Variants in PEX14 observed in about 807,000 individuals in gnomAD.
PEX14 encodes the protein peroxisomal biogenesis factor 14, also known as peroxisomal membrane protein PEX14.
Under a neutral mutation model 49.5 loss-of-function variants are expected in PEX14, and 15 were observed. The observed-to-expected ratio is 0.30, with a 90% CI of 0.20 to 0.47. The LOEUF is 0.47. PEX14 is among the 20% of genes least tolerant of loss of function. The pLI is 1.00. For synonymous variants in PEX14, 210 were observed against 212.7 expected (o/e 0.99, Z 0.11); for missense variants, 398 against 494.8 (o/e 0.80, Z 1.86).
intron 3 of PEX14, among the ~76,000 whole-genome samples, chr1:10,537,438 C>T (rs1031435963): frequency 1.4e-5 from 2 of 144,258 alleles, no homozygotes; most frequent in Non-Finnish European, 3.0e-5. Context: ...AGAGTTTTTC[C>T]TTGAAATATG....
At chr1:10,501,523 A>C (rs1376246657) in intron 2 of PEX14, among the ~76,000 whole-genome samples, 1 of 151,976 alleles carries the variant, frequency 6.6e-6, no homozygotes, top group African/African-American at 2.4e-5. Context: ...GGATGGTCTC[A>C]ATCTCCTGAC....
intron 3 of PEX14, among the ~76,000 whole-genome samples, chr1:10,549,056 A>G (rs761785526): frequency 3.3e-5 from 5 of 151,940 alleles, no homozygotes; most frequent in Non-Finnish European, 7.4e-5. Flanking sequence ...TTTTGTGTGG[A>G]TTTTCAGATT....
At chr1:10,584,178 G>A (rs1025910985) in intron 3 of PEX14, among the ~76,000 whole-genome samples, 8 of 152,158 alleles carry the variant, frequency 5.3e-5, no homozygotes, top group African/African-American at 1.9e-4. Flanking sequence ...TGAAAGAGAA[G>A]TAGAAATTAA....
At chr1:10,497,430 C>T (rs887249659) in intron 2 of PEX14, among the ~76,000 whole-genome samples, 1 of 152,250 alleles carries the variant, frequency 6.6e-6, no homozygotes, top group South Asian at 2.1e-4. Flanking sequence ...TTGCTGTCTC[C>T]TGCATGCTCA....
At chr1:10,588,372 G>A (rs373206284) in intron 3 of PEX14, among the ~76,000 whole-genome samples, 4 of 152,108 alleles carry the variant, frequency 2.6e-5, no homozygotes, top group African/African-American at 9.7e-5. Flanking sequence ...AGAAGCTTTA[G>A]CAATAGTTGC....
At chr1:10,537,325 G>A (rs918071879) in intron 3 of PEX14, among the ~76,000 whole-genome samples, 1 of 118,950 alleles carries the variant, frequency 8.4e-6, no homozygotes, top group Non-Finnish European at 1.6e-5. Flanking sequence ...CTGCTCACTG[G>A]CTGCATTGTG....
At chr1:10,525,230 T>C (rs754801391) in intron 2 of PEX14, among the ~76,000 whole-genome samples, 5 of 152,184 alleles carry the variant, frequency 3.3e-5, no homozygotes, top group Non-Finnish European at 7.3e-5. Flanking sequence ...AACTTGTACC[T>C]TGATACTAAA....
intron 3 of PEX14, among the ~76,000 whole-genome samples, chr1:10,590,297 A>G (rs2124586576): frequency 1.3e-5 from 2 of 152,370 alleles, no homozygotes; most frequent in South Asian, 4.1e-4. Context: ...CGTGGAGCTC[A>G]AAGAGTTAAA....
rs1489683961 is a variant in PEX14, at chr1:10,629,928, G to C, written c.1075G>C (p.Glu359Gln). ...DRRGGDGQIN[E>Q]QVEKLRRPEG... ...CCGGGGCGGGGATGGGCAGATCAACGAGCAGGTGGAGAAGCTGCGGCGGCC... is the reference window on the plus strand; with the variant it reads ...CCGGGGCGGGGATGGGCAGATCAACCAGCAGGTGGAGAAGCTGCGGCGGCC... Residue 359 changes from glutamate (E) to glutamine (Q), a missense_variant, in exon 9 of 9, where the codon GAG becomes CAG. Transcript: ENST00000356607. This position sits in a 1 kb window ranked among gnomAD's most constrained non-coding sequence, Gnocchi z 8.5. The C allele has an allele frequency of 7.4e-6, 12 of 1,612,988 alleles. No individual in the cohort carries two copies. Among genetic ancestry groups the C allele is most frequent in the Non-Finnish European group, 1.0e-5 (12 of 1,179,820 alleles).
chr1:10,501,250 G>T (rs2124415123), intron 2 of PEX14, among the ~76,000 whole-genome samples: 1 of 152,248 alleles, frequency 6.6e-6, no homozygotes, highest in East Asian at 1.9e-4. Context: ...CAAGTGATTG[G>T]GGGTGATATT....
At chr1:10,566,522 CTT>C (rs1639808706) in intron 3 of PEX14, among the ~76,000 whole-genome samples, 1 of 149,712 alleles carries the variant, frequency 6.7e-6, no homozygotes, top group South Asian at 2.1e-4. Context: ...GAATTTCACT[CTT>C]GTTGCCCAGG....
intron 5 of PEX14, among the ~76,000 whole-genome samples, chr1:10,620,019 G>A (rs1307599107): frequency 6.6e-6 from 1 of 152,200 alleles, no homozygotes; most frequent in East Asian, 1.9e-4. Context: ...GGAGGCTGAG[G>A]CAGGAGAATG....
chr1:10,579,155 T>C (rs1640237519), intron 3 of PEX14, among the ~76,000 whole-genome samples: 1 of 152,044 alleles, frequency 6.6e-6, no homozygotes, highest in Non-Finnish European at 1.5e-5. Flanking sequence ...AAACTGCTAA[T>C]ATTAAATAAA....
chr1:10,619,025 G>A (rs565604293), intron 5 of PEX14, among the ~76,000 whole-genome samples: 3 of 152,360 alleles, frequency 2.0e-5, no homozygotes, highest in Admixed American at 6.5e-5. Context: ...GTCATCAGAT[G>A]TATGGGAGCT....
At chr1:10,538,404 C>T (rs987854701) in intron 3 of PEX14, among the ~76,000 whole-genome samples, 2 of 152,202 alleles carry the variant, frequency 1.3e-5, no homozygotes, top group African/African-American at 2.4e-5. Context: ...TCCTGCCCTT[C>T]GTCCTCTAAA....
chr1:10,622,997 C>T, intron 5 of PEX14, 22 bp from the exon 6 acceptor site: 2 of 1,551,604 alleles, frequency 1.3e-6, no homozygotes, highest in South Asian at 1.1e-5. Flanking sequence ...ATGCATTCCT[C>T]ACCCTGTCCC....
intron 3 of PEX14, among the ~76,000 whole-genome samples, chr1:10,560,716 A>C (rs9660903): frequency 0.69 from 88,643 of 128,978 alleles, 28,509 homozygotes; most frequent in Admixed American, 0.76. Context: ...ACATTTTGCC[A>C]CCTTTTTTTT....
chr1:10,583,127 C>T (rs1640372849), intron 3 of PEX14, among the ~76,000 whole-genome samples: 1 of 152,046 alleles, frequency 6.6e-6, no homozygotes, highest in South Asian at 2.1e-4. Flanking sequence ...AGGTGGGACT[C>T]TGATTTTTCT....
intron 3 of PEX14, among the ~76,000 whole-genome samples, chr1:10,593,674 TAGAC>T (rs149926059): frequency 0.013 from 1,816 of 144,250 alleles, 39 homozygotes; most frequent in African/African-American, 0.045. Flanking sequence ...CCAAGTGAAT[TAGAC>T]AGGTTGGGGG....
Sources: gnomAD v4.1 joint callset for allele counts (sites outside exome capture counted in the v4.1 genomes callset) on GRCh38, gnomAD v4.1.1 for gene constraint, Gnocchi (gnomAD v3.1) non-coding constraint, MANE v1.5 for transcripts, NCBI Gene and HGNC (gene_info 2026-07-23, HGNC 2026-07-21) for gene names.